The following FNDC3B variants were observed in gnomAD, a reference collection of about 807,000 sequenced individuals.
FNDC3B encodes the protein fibronectin type III domain containing 3B.
FNDC3B carries 12 observed loss-of-function variants against 151.5 expected under a neutral mutation model. The ratio of observed to expected loss-of-function variants is 0.08; its 90% CI spans 0.05 to 0.13. The LOEUF is 0.13. Ranked by LOEUF, FNDC3B falls within the 10% of genes least tolerant of loss-of-function variation. The probability of loss-of-function intolerance (pLI) is 1.00; values close to 1 mark genes in which losing one functional copy is unlikely to be tolerated. For synonymous variants in FNDC3B, 528 were observed against 549.0 expected (o/e 0.96, Z 0.54); for missense variants, 1,214 against 1,505.3 (o/e 0.81, Z 3.20).
At chr3:172,147,992 T>C (rs1026418306) in intron 3 of FNDC3B, among the ~76,000 whole-genome samples, 11 of 152,194 alleles carry the variant, frequency 7.2e-5, no homozygotes, top group Admixed American at 3.9e-4. Flanking sequence ...TTTCCTCCCT[T>C]TTCTACAGTT....
At chr3:172,088,015 C>T (rs553571332) in intron 1 of FNDC3B, among the ~76,000 whole-genome samples, 15 of 152,186 alleles carry the variant, frequency 9.9e-5, no homozygotes, top group African/African-American at 2.9e-4. Context: ...CTCAGCCATT[C>T]GTTTTTTTCA....
At chr3:172,076,971 ATGGTCTCTATCTTCAAAGCT>A (rs1183704465) in intron 1 of FNDC3B, among the ~76,000 whole-genome samples, 2 of 152,214 alleles carry the variant, frequency 1.3e-5, no homozygotes, top group Non-Finnish European at 2.9e-5. Flanking sequence ...AACAAAAGAT[ATGGTCTCTATCTTCAAAGCT>A]TGCATTTTAG....
At chr3:172,292,193 G>T (rs1002950721) in intron 7 of FNDC3B, among the ~76,000 whole-genome samples, 1 of 152,192 alleles carries the variant, frequency 6.6e-6, no homozygotes, top group Non-Finnish European at 1.5e-5. Context: ...AGAAGGATTT[G>T]GCCCCAGAAC....
chr3:172,310,093 C>G (rs545171762), intron 10 of FNDC3B, among the ~76,000 whole-genome samples: 1 of 152,310 alleles, frequency 6.6e-6, no homozygotes, highest in African/African-American at 2.4e-5. Context: ...CTAGATCTGT[C>G]TACCCTAATG....
intron 2 of FNDC3B, among the ~76,000 whole-genome samples, chr3:172,124,201 C>T (rs1720695741): frequency 6.6e-6 from 1 of 152,178 alleles, no homozygotes; most frequent in Non-Finnish European, 1.5e-5. Context: ...AGCAATTCTC[C>T]TGCCTGAGCC....
At chr3:172,139,541 G>T (rs571035170) in intron 3 of FNDC3B, among the ~76,000 whole-genome samples, 3 of 152,242 alleles carry the variant, frequency 2.0e-5, no homozygotes, top group Non-Finnish European at 2.9e-5. Flanking sequence ...CCAGTTTTTT[G>T]ATTAAAAATA....
Position 172,347,290 on chromosome 3 carries a change from T to C in FNDC3B, c.2443T>C (p.Tyr815His). 6.2e-7 allele frequency: 1 copy of C among 1,614,128 alleles called. No individual in the cohort carries two copies. Among genetic ancestry groups the C allele is most frequent in the Non-Finnish European group, 8.5e-7 (1 of 1,179,984 alleles). Residue 815 changes from tyrosine (Y) to histidine (H), a missense_variant, in exon 21 of 26, where the codon TAT (tyrosine) becomes CAT (histidine). By Grantham distance (83) the Tyr-to-His change is moderately conservative (BLOSUM62 2). This residue lies in a region of FNDC3B where 380 missense variants were observed against 420.9 expected (regional missense o/e 0.90). Transcript: ENST00000415807. ...AGATGAAGAATCCTTAGAACTCATT[T>C]ATCATGGGACAGACACCCGTTTTGA... ...GEDEESLELI[Y>H]HGTDTRFEIR...
chr3:172,211,042 C>T (rs953653341), intron 3 of FNDC3B, among the ~76,000 whole-genome samples: 3 of 152,208 alleles, frequency 2.0e-5, no homozygotes, highest in African/African-American at 7.2e-5. Context: ...GTTAAAGTAA[C>T]AGATTAAAAT....
At chr3:172,295,632 T>C (rs932134567) in intron 8 of FNDC3B, 118 bp downstream of exon 8, 49 of 818,422 alleles carry the variant, frequency 6.0e-5, no homozygotes, top group Admixed American at 1.7e-4. Context: ...TAGTTTATTT[T>C]AAGATTTAGT....
intron 5 of FNDC3B, among the ~76,000 whole-genome samples, chr3:172,250,708 A>G (rs1728017350): frequency 6.6e-6 from 1 of 152,230 alleles, no homozygotes; most frequent in African/African-American, 2.4e-5. Flanking sequence ...TCTCTGTAAT[A>G]TAGGAATTTT....
Position 172,334,931 on chromosome 3 carries a change from GGTT to G in FNDC3B, c.1642-10_1642-8del. The G allele has an allele frequency of 6.2e-7, 1 of 1,606,094 alleles. No individual in the cohort carries two copies. The highest frequency in any genetic ancestry group is 8.5e-7 in the Non-Finnish European group (1 of 1,177,028). ...AACTAAATCATGTTAACGTTTCCTT[GGTT>G]GTGTTCTAGCTGACTGCTTCTAATA... On this transcript the variant is annotated splice_polypyrimidine_tract_variant and intron_variant, in intron 14 of 25. Transcript: ENST00000415807.
intron 7 of FNDC3B, among the ~76,000 whole-genome samples, chr3:172,294,813 T>C (rs966154797): frequency 3.3e-4 from 50 of 152,322 alleles, no homozygotes; most frequent in African/African-American, 1.2e-3. Context: ...AAGCAGAGGC[T>C]AAACCAAAAG....
At chr3:172,111,854 G>C (rs959902671) in intron 1 of FNDC3B, among the ~76,000 whole-genome samples, 1 of 152,104 alleles carries the variant, frequency 6.6e-6, no homozygotes, top group Non-Finnish European at 1.5e-5. Flanking sequence ...ATTTAACTGC[G>C]AGCTATATGG....
intron 1 of FNDC3B, among the ~76,000 whole-genome samples, chr3:172,068,744 G>T (rs1717630808): frequency 6.6e-6 from 1 of 152,166 alleles, no homozygotes; most frequent in Non-Finnish European, 1.5e-5. Flanking sequence ...CTCATTTATA[G>T]CAAGAATAAA....
intron 1 of FNDC3B, among the ~76,000 whole-genome samples, chr3:172,078,171 G>A (rs1718111079): frequency 6.6e-6 from 1 of 152,076 alleles, no homozygotes; most frequent in South Asian, 2.1e-4. Flanking sequence ...AGTAGAGATG[G>A]GTTTTGCCAT....
At chr3:172,239,539 G>A (rs949162406) in intron 4 of FNDC3B, among the ~76,000 whole-genome samples, 17 of 152,022 alleles carry the variant, frequency 1.1e-4, no homozygotes, top group African/African-American at 3.9e-4. Context: ...TATGTTTGTG[G>A]GTTCATATGT....
At chr3:172,247,286 C>A (rs965276083) in intron 4 of FNDC3B, among the ~76,000 whole-genome samples, 1 of 152,126 alleles carries the variant, frequency 6.6e-6, no homozygotes, top group Non-Finnish European at 1.5e-5. Flanking sequence ...ACTGGTCTCT[C>A]CAAAAAGTTA....
intron 11 of FNDC3B, among the ~76,000 whole-genome samples, chr3:172,319,264 T>C (rs934685794): frequency 6.6e-6 from 1 of 152,200 alleles, no homozygotes; most frequent in African/African-American, 2.4e-5. Context: ...CTTGGTTCAT[T>C]TGTAAATTGT....
intron 9 of FNDC3B, among the ~76,000 whole-genome samples, chr3:172,304,557 C>T (rs945062150): frequency 2.0e-5 from 3 of 152,150 alleles, no homozygotes; most frequent in African/African-American, 7.2e-5. Flanking sequence ...CCATCTAAAG[C>T]GGGGAGCTGC....
Sources: gnomAD v4.1 joint callset for allele counts (sites outside exome capture counted in the v4.1 genomes callset) on GRCh38, gnomAD v4.1.1 for gene constraint, gnomAD v4.1.1 regional missense constraint, MANE v1.5 for transcripts, NCBI Gene and HGNC (gene_info 2026-07-23, HGNC 2026-07-21) for gene names.